INPP4B: variants seen among roughly 807,000 people sequenced by gnomAD.
The protein encoded by INPP4B is inositol polyphosphate-4-phosphatase type II B.
A neutral mutation model predicts 122.5 loss-of-function variants in INPP4B; 55 were observed. That is an observed-to-expected ratio of 0.45 (90% CI 0.36 to 0.56). The LOEUF is 0.56. INPP4B is among the 20% of genes least tolerant of loss of function. INPP4B has a pLI of 0.00. For missense variants in INPP4B, 1,000 were observed against 1,097.7 expected, an observed-to-expected ratio of 0.91 and a Z score of 1.26; for synonymous variants, 403 against 388.7, an observed-to-expected ratio of 1.04 and a Z score of -0.43.
intron 23 of INPP4B, among the ~76,000 whole-genome samples, chr4:142,097,075 G>A (rs915238987): frequency 6.6e-6 from 1 of 151,858 alleles, no homozygotes; most frequent in African/African-American, 2.4e-5. Flanking sequence ...TGAAAAAAAA[G>A]CTATTTTAAA....
chr4:142,620,354 C>CA (rs1744628829), intron 2 of INPP4B, among the ~76,000 whole-genome samples: 1 of 151,896 alleles, frequency 6.6e-6, no homozygotes. Context: ...TCTTTTGCAG[C>CA]AACATAGATG....
At chr4:142,238,693 T>C (rs188667109) in intron 11 of INPP4B, among the ~76,000 whole-genome samples, 54 of 152,146 alleles carry the variant, frequency 3.5e-4, no homozygotes, top group Non-Finnish European at 6.9e-4. Context: ...GAAGAAACTG[T>C]ATTTAGGGTG....
chr4:142,453,891 C>T (rs1226078560), intron 3 of INPP4B, among the ~76,000 whole-genome samples: 2 of 152,094 alleles, frequency 1.3e-5, no homozygotes, highest in African/African-American at 2.4e-5. Flanking sequence ...GCCATTGTTC[C>T]ACCTGCAAAT....
Position 142,193,075 on chromosome 4 carries a change from G to A in INPP4B, c.1181+12C>T, listed in dbSNP as rs1371513399. 2.0e-6 allele frequency: 3 copies of A among 1,493,982 alleles called. No individual in the cohort carries two copies. In the Admixed American group the frequency reaches 5.0e-5, roughly 25 times the overall value. The allele number at this position is 1,493,982 out of a possible 1,614,324, so 92.5% of individuals were successfully genotyped here. The stretch of plus-strand genomic sequence containing the variant: ...TTAATGGAATCTGTGCTTTCCTCCT[G>A]TCTTTACTTACTTTCTTCTTTCTGT... On this transcript the variant is annotated intron_variant, in intron 15 of 25. Coordinates refer to ENST00000262992, the MANE Select transcript of INPP4B (RefSeq NM_001101669.3).
chr4:142,116,805 T>C (rs1793748326), intron 21 of INPP4B, among the ~76,000 whole-genome samples: 1 of 151,636 alleles, frequency 6.6e-6, no homozygotes. Flanking sequence ...AAGAAATAAC[T>C]AAGATCAGAG....
At chr4:142,829,699 A>G (rs1781880386) in intron 1 of INPP4B, among the ~76,000 whole-genome samples, 1 of 152,224 alleles carries the variant, frequency 6.6e-6, no homozygotes, top group Non-Finnish European at 1.5e-5. Flanking sequence ...AAAAACTGTC[A>G]AGTTGAAATT....
intron 2 of INPP4B, among the ~76,000 whole-genome samples, chr4:142,632,234 C>T (rs1223955113): frequency 6.6e-6 from 1 of 152,016 alleles, no homozygotes; most frequent in Non-Finnish European, 1.5e-5. Context: ...TTCACATACA[C>T]AATGGAATAT....
At chr4:142,462,482 T>G (rs1030733937) in intron 3 of INPP4B, among the ~76,000 whole-genome samples, 181 bp downstream of exon 3, 3 of 152,226 alleles carry the variant, frequency 2.0e-5, no homozygotes, top group Non-Finnish European at 4.4e-5. Flanking sequence ...ATTGGTTTAA[T>G]GTAGTTATAG....
chr4:142,711,247 G>C (rs551773145), intron 2 of INPP4B, among the ~76,000 whole-genome samples: 6 of 152,142 alleles, frequency 3.9e-5, no homozygotes, highest in African/African-American at 9.6e-5. Flanking sequence ...GGCCTCCCAG[G>C]CCTCCCTATT....
intron 2 of INPP4B, among the ~76,000 whole-genome samples, chr4:142,611,911 C>T (rs149959339): frequency 0.011 from 1,748 of 152,212 alleles, 31 homozygotes; most frequent in African/African-American, 0.032. Context: ...TCAGGTGATC[C>T]ACCAGCCTCA....
At chr4:142,274,755 T>A (rs927617984) in intron 9 of INPP4B, among the ~76,000 whole-genome samples, 4 of 151,766 alleles carry the variant, frequency 2.6e-5, no homozygotes. Context: ...GGGGCTGCAG[T>A]AATCAGTATC....
At chr4:142,290,899 G>A (rs187901062) in intron 9 of INPP4B, among the ~76,000 whole-genome samples, 1 of 152,128 alleles carries the variant, frequency 6.6e-6, no homozygotes, top group Admixed American at 6.5e-5. Context: ...TTGATGATGA[G>A]GATAGGAATG....
intron 2 of INPP4B, among the ~76,000 whole-genome samples, chr4:142,478,260 T>G (rs529657788): frequency 6.6e-6 from 1 of 152,284 alleles, no homozygotes; most frequent in Admixed American, 6.5e-5. Flanking sequence ...TTTGGATGAC[T>G]TTTATTTCTT....
At chr4:142,163,875 C>A (rs1821366982) in intron 16 of INPP4B, among the ~76,000 whole-genome samples, 1 of 151,734 alleles carries the variant, frequency 6.6e-6, no homozygotes, top group Non-Finnish European at 1.5e-5. Context: ...AAACCTTTTT[C>A]TTTTCTCATT....
intron 16 of INPP4B, 109 bp from the exon 17 acceptor site, chr4:142,160,670 A>G (rs897068058): frequency 9.3e-5 from 64 of 687,052 alleles, no homozygotes; most frequent in Non-Finnish European, 1.3e-4. Context: ...TGTATGGTGG[A>G]AAAAGTACAG....
intron 1 of INPP4B, among the ~76,000 whole-genome samples, chr4:142,764,904 C>G (rs1416231120): frequency 1.3e-5 from 2 of 151,886 alleles, no homozygotes; most frequent in African/African-American, 2.4e-5. Context: ...ACAAAGGGAA[C>G]CATGAAACTC....
At chr4:142,782,207 C>T (rs932110940) in intron 1 of INPP4B, among the ~76,000 whole-genome samples, 3 of 151,758 alleles carry the variant, frequency 2.0e-5, no homozygotes, top group Non-Finnish European at 2.9e-5. Context: ...TGTTCAATTC[C>T]CACCTATGAG....
intron 3 of INPP4B, among the ~76,000 whole-genome samples, chr4:142,437,043 G>C (rs1205651646): frequency 6.6e-6 from 1 of 151,962 alleles, no homozygotes; most frequent in Non-Finnish European, 1.5e-5. Context: ...CTGCTAACTA[G>C]AATAAACAGT....
chr4:142,529,461 C>A (rs527884210), intron 2 of INPP4B, among the ~76,000 whole-genome samples: 1 of 151,964 alleles, frequency 6.6e-6, no homozygotes, highest in Admixed American at 6.6e-5. Flanking sequence ...ATTAAAGATA[C>A]CTAGGGGCAT....
Sources: allele counts gnomAD v4.1 joint callset (sites outside exome capture counted in the v4.1 genomes callset), GRCh38; gene constraint gnomAD v4.1.1; transcripts MANE v1.5; gene names NCBI Gene and HGNC (gene_info 2026-07-23, HGNC 2026-07-21).